The following PCDH15 variants were observed in gnomAD, a reference collection of about 807,000 sequenced individuals.
The protein encoded by PCDH15 is protocadherin-15.
Under a neutral mutation model 178.5 loss-of-function variants are expected in PCDH15, and 129 were observed. The ratio of observed to expected loss-of-function variants is 0.72; its 90% CI spans 0.63 to 0.84. The LOEUF (loss-of-function observed/expected upper bound fraction) is 0.84. PCDH15 is among the 40% of genes least tolerant of loss of function. PCDH15 has a pLI of 0.00. For missense variants in PCDH15, 2,230 were observed against 2,099.9 expected (o/e 1.06, Z -1.21); for synonymous variants, 800 against 732.0 (o/e 1.09, Z -1.50).
At chr10:53,975,595 T>A (rs1353989331) in intron 21 of PCDH15, among the ~76,000 whole-genome samples, 2 of 152,202 alleles carry the variant, frequency 1.3e-5, no homozygotes, top group African/African-American at 4.8e-5. Flanking sequence ...AAGTGTCTGT[T>A]CACGTCCTCT....
chr10:55,150,191 G>A (rs556479688), intron 2 of PCDH15, among the ~76,000 whole-genome samples: 17 of 151,984 alleles, frequency 1.1e-4, no homozygotes, highest in African/African-American at 3.6e-4. Flanking sequence ...ACAGCCAATC[G>A]GCCAACCTGA....
chr10:55,188,371 T>C (rs1032362179), intron 1 of PCDH15, among the ~76,000 whole-genome samples: 4 of 151,914 alleles, frequency 2.6e-5, no homozygotes. Context: ...TTCTTAAATA[T>C]CATTATTTTA....
intron 3 of PCDH15, among the ~76,000 whole-genome samples, chr10:54,498,461 A>G (rs530685113): frequency 2.0e-5 from 3 of 152,258 alleles, no homozygotes; most frequent in Admixed American, 1.3e-4. Context: ...ATCAATATTG[A>G]CCTTGGATGT....
intron 10 of PCDH15, among the ~76,000 whole-genome samples, chr10:54,210,223 A>G (rs1467474834): frequency 1.3e-5 from 2 of 151,600 alleles, no homozygotes; most frequent in African/African-American, 4.8e-5. Flanking sequence ...TTTTTTCTGG[A>G]CAGAGATGCA....
chr10:54,651,168 C>T (rs1482830600), intron 2 of PCDH15, among the ~76,000 whole-genome samples: 2 of 151,324 alleles, frequency 1.3e-5, no homozygotes, highest in Non-Finnish European at 2.9e-5. Context: ...AAGAAAAGGG[C>T]AAAGAGAGAG....
intron 1 of PCDH15, among the ~76,000 whole-genome samples, chr10:55,269,528 A>ACAATAGC (rs1203934800): frequency 6.6e-6 from 1 of 152,180 alleles, no homozygotes; most frequent in African/African-American, 2.4e-5. Flanking sequence ...GATCCCATTT[A>ACAATAGC]CAATAGCTAA....
At chr10:55,613,896 C>G (rs1281094937) in intron 2 of PCDH15, among the ~76,000 whole-genome samples, 3 of 152,058 alleles carry the variant, frequency 2.0e-5, no homozygotes, top group African/African-American at 7.2e-5. Context: ...AACACAAGGT[C>G]AGGAGATCGA....
intron 2 of PCDH15, among the ~76,000 whole-genome samples, chr10:55,049,309 G>C (rs1193221971): frequency 6.6e-6 from 1 of 151,840 alleles, no homozygotes; most frequent in Non-Finnish European, 1.5e-5. Context: ...CTTGAACACA[G>C]CATGCAACGA....
intron 3 of PCDH15, among the ~76,000 whole-genome samples, chr10:54,495,107 C>T (rs1018993877): frequency 6.6e-6 from 1 of 152,088 alleles, no homozygotes. Flanking sequence ...TGTCCTTGCA[C>T]AGAGTGTGAG....
chr10:54,047,148 A>G (rs2093672292), intron 18 of PCDH15, among the ~76,000 whole-genome samples: 2 of 152,130 alleles, frequency 1.3e-5, no homozygotes, highest in Admixed American at 6.6e-5. Flanking sequence ...TTGGATATAC[A>G]TTAAATAATT....
intron 25 of PCDH15, among the ~76,000 whole-genome samples, chr10:53,915,286 C>G (rs2083441286): frequency 6.6e-6 from 1 of 152,118 alleles, no homozygotes; most frequent in Admixed American, 6.5e-5. Context: ...GCATGAGAAG[C>G]TCACTGGTTC....
At chr10:55,173,309 ATGTGTG>A (rs775260037) in intron 1 of PCDH15, among the ~76,000 whole-genome samples, 78 of 133,136 alleles carry the variant, frequency 5.9e-4, no homozygotes, top group East Asian at 4.5e-4. Flanking sequence ...TAGAAAGATT[ATGTGTG>A]TGTGTGTGTG....
intron 1 of PCDH15, 116 bp downstream of exon 1, chr10:54,800,809 C>G (rs1952595976): frequency 6.6e-6 from 1 of 152,108 alleles, no homozygotes; most frequent in Non-Finnish European, 1.5e-5. Context: ...ACAAGCATGA[C>G]AGAAAGTAGC....
intron 25 of PCDH15, among the ~76,000 whole-genome samples, chr10:53,917,098 C>T (rs1305509818): frequency 6.6e-6 from 1 of 152,038 alleles, no homozygotes; most frequent in Admixed American, 6.6e-5. Context: ...TTTATGAAAT[C>T]ATAATGAAAT....
chr10:53,984,811 C>T (rs1467355702), intron 21 of PCDH15, among the ~76,000 whole-genome samples: 3 of 152,106 alleles, frequency 2.0e-5, no homozygotes, highest in Admixed American at 6.6e-5. Context: ...TTTAACTAGA[C>T]CATTTATGGT....
intron 3 of PCDH15, among the ~76,000 whole-genome samples, chr10:54,882,888 AC>A (rs1954288657): frequency 6.6e-6 from 1 of 152,168 alleles, no homozygotes; most frequent in East Asian, 1.9e-4. Flanking sequence ...ATAGCCATAA[AC>A]AGTCGGTTTT....
rs1953310424 is a variant in PCDH15, at chr10:54,836,047, G to A, written c.-29+61403C>T. Among the ~76,000 whole-genome samples, 5 of 152,028 alleles carry A rather than the reference G, an allele frequency of 3.3e-5. No homozygotes were observed. In the South Asian group the frequency reaches 1.0e-3, roughly 31 times the overall value. ...AACTCATTGCTATAAAAAACTGAAG[G>A]TTTTATTGCAACACAAAAAAGTTCC... On this transcript the variant is annotated intron_variant, in intron 3 of 5. Transcript: ENST00000458638.
Position 54,664,230 on chromosome 10 carries a change from T to A in PCDH15, c.33A>T (p.Leu11Phe). The change falls in exon 2 of 38, where the codon TTA (leucine) becomes TTT (phenylalanine). Residue 11 changes from leucine to phenylalanine, a missense_variant. Physicochemically the swap from Leu to Phe is conservative, Grantham distance 22. Transcript: ENST00000644397. ...GAGAGCCCAGGATGATCCCTGAAGC[T>A]AAACATGTCCAGAGATAAAACTGTC... Reference protein sequence around the residue: MFRQFYLWTCLASGIILGSLF... With the variant: MFRQFYLWTCFASGIILGSLF... 6.2e-7 allele frequency: 1 copy of A among 1,612,152 alleles called. No individual in the cohort carries two copies. Among genetic ancestry groups the A allele is most frequent in the Non-Finnish European group, 8.5e-7 (1 of 1,178,810 alleles).
chr10:54,216,609 G>T (rs1463622024), intron 9 of PCDH15, among the ~76,000 whole-genome samples: 1 of 152,174 alleles, frequency 6.6e-6, no homozygotes, highest in Non-Finnish European at 1.5e-5. Context: ...GATTTCATTA[G>T]TCACTTAGAT....
Sources: gnomAD v4.1 joint callset for allele counts (sites outside exome capture counted in the v4.1 genomes callset) on GRCh38, gnomAD v4.1.1 for gene constraint, MANE v1.5 for transcripts, NCBI Gene and HGNC (gene_info 2026-07-23, HGNC 2026-07-21) for gene names.